Variants in GRHL2 observed in about 807,000 individuals in gnomAD.
GRHL2 encodes the protein grainyhead-like protein 2 homolog.
Under a neutral mutation model 83.8 loss-of-function variants are expected in GRHL2, and 21 were observed. The ratio of observed to expected loss-of-function variants is 0.25; its 90% CI spans 0.18 to 0.36. The LOEUF (loss-of-function observed/expected upper bound fraction) is 0.36, where lower values mean the gene tolerates loss of function less well. GRHL2 is among the 10% of genes least tolerant of loss of function. GRHL2 has a pLI of 1.00. For missense variants in GRHL2, 623 were observed against 781.8 expected, an observed-to-expected ratio of 0.80 and a Z score of 2.42; for synonymous variants, 280 against 278.9, an observed-to-expected ratio of 1.00 and a Z score of -0.04.
At chr8:101,511,009 G>T (rs1424231459) in intron 1 of GRHL2, among the ~76,000 whole-genome samples, 1 of 152,120 alleles carries the variant, frequency 6.6e-6, no homozygotes, top group Non-Finnish European at 1.5e-5. Flanking sequence ...GCTGAGGCAA[G>T]AGAATCGCTT....
intron 2 of GRHL2, among the ~76,000 whole-genome samples, chr8:101,550,805 T>C (rs1302615037): frequency 6.6e-6 from 1 of 152,248 alleles, no homozygotes; most frequent in Non-Finnish European, 1.5e-5. Flanking sequence ...TTTTACCTTC[T>C]GTCTGTGAAT....
At chr8:101,674,433 T>C (rs1388971963), downstream of GRHL2, among the ~76,000 whole-genome samples, 3 of 152,118 alleles carry the variant, frequency 2.0e-5, no homozygotes, top group East Asian at 1.9e-4. Flanking sequence ...CAAACACCTC[T>C]ACGCAAATAA....
At chr8:101,615,226 G>T (rs938076671) in intron 8 of GRHL2, among the ~76,000 whole-genome samples, 2 of 152,202 alleles carry the variant, frequency 1.3e-5, no homozygotes, top group Admixed American at 1.3e-4. Context: ...CATATTGCCA[G>T]TAAGCAGTTA....
the GRHL2 span, among the ~76,000 whole-genome samples, chr8:101,678,786 A>G: frequency 1.3e-5 from 2 of 152,196 alleles, no homozygotes; most frequent in East Asian, 3.9e-4. Flanking sequence ...CAAGCAGCCT[A>G]ACTGGGAGGC....
chr8:101,644,660 T>C (rs1429249177), intron 13 of GRHL2, among the ~76,000 whole-genome samples: 2 of 152,238 alleles, frequency 1.3e-5, no homozygotes, highest in African/African-American at 4.8e-5. Flanking sequence ...AAAGGTCTTA[T>C]TCTGCTTCAC....
At chr8:101,521,084 A>C (rs1046079220) in intron 1 of GRHL2, among the ~76,000 whole-genome samples, 1 of 152,224 alleles carries the variant, frequency 6.6e-6, no homozygotes, top group African/African-American at 2.4e-5. Context: ...TGAGAAAAAA[A>C]TACAGAGGGA....
At chr8:101,617,873 G>A (rs367585049) in intron 8 of GRHL2, among the ~76,000 whole-genome samples, 8 of 152,112 alleles carry the variant, frequency 5.3e-5, no homozygotes, top group Admixed American at 2.0e-4. Context: ...CCATAGTGTC[G>A]CTGTGGTGTG....
At chr8:101,628,181 T>C (rs1400213500) in intron 9 of GRHL2, among the ~76,000 whole-genome samples, 1 of 152,148 alleles carries the variant, frequency 6.6e-6, no homozygotes, top group African/African-American at 2.4e-5. Context: ...GAGAAGTCAA[T>C]GCCTGGCTTT....
intron 14 of GRHL2, among the ~76,000 whole-genome samples, chr8:101,659,254 G>A (rs113560561): frequency 0.022 from 3,379 of 152,226 alleles, 131 homozygotes; most frequent in African/African-American, 0.076. Flanking sequence ...TGTGATTTCC[G>A]TTGTTAAAAA....
At chr8:101,509,157 C>CCTTCCTTCCTTT (rs1554581567) in intron 1 of GRHL2, among the ~76,000 whole-genome samples, 2 of 27,398 alleles carry the variant, frequency 7.3e-5, no homozygotes, top group African/African-American at 1.7e-4. Flanking sequence ...TTCCTTCCTT[C>CCTTCCTTCCTTT]CTTTCTTTCT....
At chr8:101,512,094 T>C (rs1297657658) in intron 1 of GRHL2, among the ~76,000 whole-genome samples, 2 of 152,198 alleles carry the variant, frequency 1.3e-5, no homozygotes, top group Non-Finnish European at 2.9e-5. Context: ...TTTTAATATC[T>C]GGAAATGTTG....
intron 2 of GRHL2, among the ~76,000 whole-genome samples, chr8:101,552,233 G>C (rs1197594147): frequency 6.6e-6 from 1 of 152,232 alleles, no homozygotes; most frequent in East Asian, 1.9e-4. Context: ...TACTGGCTCA[G>C]TATGGCCCGC....
At chr8:101,681,082 A>G in the GRHL2 span, among the ~76,000 whole-genome samples, 10 of 145,278 alleles carry the variant, frequency 6.9e-5, no homozygotes, top group African/African-American at 2.6e-4. Flanking sequence ...AAATCAGAGC[A>G]GAACTGAAGG....
At chr8:101,536,846 T>C (rs1200219194) in intron 1 of GRHL2, among the ~76,000 whole-genome samples, 1 of 152,222 alleles carries the variant, frequency 6.6e-6, no homozygotes, top group Non-Finnish European at 1.5e-5. Context: ...CACAAGAGTT[T>C]GATGTACAGC....
chr8:101,613,145 C>A (rs1239015060), intron 8 of GRHL2, among the ~76,000 whole-genome samples: 1 of 150,694 alleles, frequency 6.6e-6, no homozygotes, highest in Non-Finnish European at 1.5e-5. Flanking sequence ...AGGCAGAGCA[C>A]ACAGCAGGCA....
intron 8 of GRHL2, among the ~76,000 whole-genome samples, chr8:101,606,049 A>C (rs920317956): frequency 6.6e-5 from 10 of 152,214 alleles, no homozygotes; most frequent in African/African-American, 2.4e-4. Flanking sequence ...GAAGCACAGC[A>C]CTGAGAAATT....
At chr8:101,631,071 T>C (rs975928376) in intron 9 of GRHL2, among the ~76,000 whole-genome samples, 2 of 152,138 alleles carry the variant, frequency 1.3e-5, no homozygotes, top group Non-Finnish European at 2.9e-5. Flanking sequence ...TAAGAACATA[T>C]GGAAATATTA....
At chr8:101,509,331 A>T (rs1277499797) in intron 1 of GRHL2, among the ~76,000 whole-genome samples, 5 of 150,384 alleles carry the variant, frequency 3.3e-5, no homozygotes, top group African/African-American at 1.2e-4. Flanking sequence ...TTCAAAGATA[A>T]GGCTCCAGGG....
chr8:101,618,858 C>T (rs1344926013), intron 8 of GRHL2, among the ~76,000 whole-genome samples: 1 of 151,582 alleles, frequency 6.6e-6, no homozygotes, highest in Admixed American at 6.6e-5. Flanking sequence ...TTTTATTCCA[C>T]AGGCCAGAGA....
Sources: allele counts gnomAD v4.1 joint callset (sites outside exome capture counted in the v4.1 genomes callset), GRCh38; gene constraint gnomAD v4.1.1; transcripts MANE v1.5; gene names NCBI Gene and HGNC (gene_info 2026-07-23, HGNC 2026-07-21).